The following BRD3 variants were observed in gnomAD, a reference collection of about 807,000 sequenced individuals.
BRD3 encodes the protein bromodomain-containing protein 3.
Under a neutral mutation model 66.8 loss-of-function variants are expected in BRD3, and 17 were observed. The observed-to-expected ratio is 0.25, with a 90% CI of 0.17 to 0.38. BRD3 has a LOEUF of 0.38. Among genes scored for constraint, BRD3 ranks in the 10% least tolerant of loss-of-function variants. BRD3 has a pLI of 1.00. For synonymous variants in BRD3, 421 were observed against 393.2 expected, an observed-to-expected ratio of 1.07 and a Z score of -0.84; for missense variants, 713 against 956.1, an observed-to-expected ratio of 0.75 and a Z score of 3.35.
chr9:134,050,449 G>C lies in BRD3; in HGVS notation c.639C>G (p.Val213=). The change falls in exon 5 of 12, where the codon GTC becomes GTG. Residue 213 remains valine (V), a synonymous_variant. Coordinates refer to ENST00000303407, the MANE Select transcript of BRD3 (RefSeq NM_007371.4). The stretch of plus-strand genomic sequence containing the variant: ...GAGGAGGTGGGGCGGCAGCTGGGGG[G>C]ACTGGGACCGACGTGACGTTTGCAG... The part of the protein sequence containing the change: ...TITANVTSVP[V]PPAAAPPPPA... 2 of 1,612,348 alleles carry C rather than the reference G, an allele frequency of 1.2e-6. No individual in the cohort carries two copies. The highest frequency in any genetic ancestry group is 1.7e-6 in the Non-Finnish European group (2 of 1,179,634).
In BRD3 at chr9:134,061,602, T is replaced by C. The variant is rs527295654; in HGVS notation, c.-114+6343A>G. Among the ~76,000 whole-genome samples the C allele has an allele frequency of 2.6e-5, 4 of 152,312 alleles. No homozygotes were observed. In the South Asian group the frequency reaches 6.2e-4, roughly 24 times the overall value. ...GAATTTCCATAGCTCTGGGCCTCTGTACCTGTGTCCCTGACTGGATGGCCC... is the reference window on the plus strand; with the variant it reads ...GAATTTCCATAGCTCTGGGCCTCTGCACCTGTGTCCCTGACTGGATGGCCC... On this transcript the variant is annotated intron_variant, in intron 1 of 11. Coordinates refer to ENST00000303407, the MANE Select transcript of BRD3 (RefSeq NM_007371.4).
At position 134,033,054 on chromosome 9, in the gene BRD3, C is replaced by T; in HGVS notation, c.*536G>A. The T allele has an allele frequency of 2.5e-6, 1 of 398,520 alleles. No individual in the cohort carries two copies. The highest frequency in any genetic ancestry group is 4.4e-6 in the Non-Finnish European group (1 of 226,266). 24.7% of individuals were successfully genotyped at this position (398,520 alleles called of 1,614,324 possible). A position where few individuals can be genotyped will look rare whatever the true frequency, so the allele number is the denominator to read the frequency against. On this transcript the variant is annotated 3_prime_UTR_variant, in exon 12 of 12. Transcript: ENST00000303407. The surrounding 1 kb of genome is among the most constrained non-coding windows in gnomAD (Gnocchi z 5.1). ...GGGCTGCGATGACCCTTCGCTTAGGCCCAGCCTGGTCTCCACAAGCAGGCA... is the reference window on the plus strand; with the variant it reads ...GGGCTGCGATGACCCTTCGCTTAGGTCCAGCCTGGTCTCCACAAGCAGGCA...
intron 1 of BRD3, among the ~76,000 whole-genome samples, chr9:134,060,805 G>C (rs1373103325): frequency 1.3e-5 from 2 of 152,224 alleles, no homozygotes; most frequent in African/African-American, 4.8e-5. Context: ...CACCCTTGCT[G>C]TGTGGCCCCA....
At position 134,052,391 on chromosome 9, in the gene BRD3, C is replaced by T. The variant is rs758093548; in HGVS notation, c.266G>A (p.Arg89Lys). The T allele has an allele frequency of 1.9e-6, 3 of 1,612,774 alleles. No individual in the cohort carries two copies. Among genetic ancestry groups the T allele is most frequent in the East Asian group, 2.2e-5 (1 of 44,884 alleles). ...NPMDMGTIKKRLENNYYWSAS... is the reference protein window; with the variant it reads ...NPMDMGTIKKKLENNYYWSAS... ...ACTCCAATAATAATTATTTTCTAGT[C>T]TCTTCTTAATAGTCCCCATATCCAT... Residue 89 changes from arginine to lysine, a missense_variant, in exon 3 of 12, where the codon AGA becomes AAA. Coordinates refer to ENST00000303407, the MANE Select transcript of BRD3 (RefSeq NM_007371.4).
chr9:134,035,301 C>A (rs1294331631), intron 10 of BRD3, among the ~76,000 whole-genome samples: 1 of 152,186 alleles, frequency 6.6e-6, no homozygotes, highest in African/African-American at 2.4e-5. Context: ...GTCAGACGCA[C>A]CATGACCACA....
Position 134,040,051 on chromosome 9 carries a change from G to A in BRD3, c.1626C>T (p.Ser542=), listed in dbSNP as rs2132392634. 5 of 1,592,990 alleles carry A rather than the reference G, an allele frequency of 3.1e-6. No homozygotes were observed. The highest frequency in any genetic ancestry group is 4.3e-6 in the Non-Finnish European group (5 of 1,171,726). ...GAGCCCACCTGCCGGCCGTGGTCGT[G>A]CTGTTGGCCTTCTTGGCAGGAGCCT... The part of the protein sequence containing the change: ...QKKAPAKKAN[S]TTTAGRQLKK... The change falls in exon 9 of 12, where the codon AGC becomes AGT. Residue 542 remains serine (S), a synonymous_variant. Transcript: ENST00000303407.
Position 134,032,989 on chromosome 9 carries a change from C to G in BRD3, c.*601G>C. 1 of 396,854 alleles carries G rather than the reference C, an allele frequency of 2.5e-6. No individual in the cohort carries two copies. Among genetic ancestry groups the G allele is most frequent in the Non-Finnish European group, 4.4e-6 (1 of 225,354 alleles). The allele number at this position is 396,854 out of a possible 1,614,324, so 24.6% of individuals were successfully genotyped here. ...ATCACCACGAGCGGAGAACGCACAT[C>G]CCACCCGACCACCCCCCAAGGGCTC... On this transcript the variant is annotated 3_prime_UTR_variant, in exon 12 of 12. Transcript: ENST00000303407.
At position 134,040,149 on chromosome 9, in the gene BRD3, TCTC is replaced by T. The variant is rs779563535; in HGVS notation, c.1525_1527del (p.Glu509del). On this transcript the variant is annotated inframe_deletion, in exon 9 of 12. Transcript: ENST00000303407. ...TCTTCCTCGGCCTTCACTTTGTGCT[TCTC>T]CTTCTCCTTCTCCTTGTCCTTCTTC... 300 of 1,558,724 alleles carry T rather than the reference TCTC, an allele frequency of 1.9e-4. No homozygotes were observed. The highest frequency in any genetic ancestry group is 2.5e-4 in the Non-Finnish European group (287 of 1,151,580).
chr9:134,037,856 C>A (rs1017875317), intron 9 of BRD3, among the ~76,000 whole-genome samples: 10 of 152,046 alleles, frequency 6.6e-5, no homozygotes, highest in African/African-American at 2.4e-4. Context: ...GCCCTACAGA[C>A]AATAAAAGGC....
chr9:134,040,816 G>A (rs952103801), intron 8 of BRD3, among the ~76,000 whole-genome samples: 4 of 152,214 alleles, frequency 2.6e-5, no homozygotes, highest in East Asian at 1.9e-4. Context: ...GGACTCCGGG[G>A]TTAAAACAAT....
Position 134,051,595 on chromosome 9 carries a change from C to G in BRD3, c.466G>C (p.Gly156Arg). 6.4e-7 allele frequency: 1 copy of G among 1,572,660 alleles called. No individual in the cohort carries two copies. Among genetic ancestry groups the G allele is most frequent in the Non-Finnish European group, 8.6e-7 (1 of 1,166,910 alleles). Residue 156 changes from glycine to arginine, a missense_variant, in exon 4 of 12, where the codon GGT becomes CGT. By Grantham distance (125) the Gly-to-Arg change is moderately radical. Around this residue, in one of 5 missense-constraint regions of BRD3, gnomAD observed 120 missense variants for 122.8 expected, o/e 0.98. Transcript: ENST00000303407. ...TGGGCTCCCGCAGCCGGCTTCCGACCTTTGCCCTTTGGAGCAGGGGGTAAT... is the reference window on the plus strand; with the variant it reads ...TGGGCTCCCGCAGCCGGCTTCCGACGTTTGCCCTTTGGAGCAGGGGGTAAT... ...ELLPPAPKGK[G>R]RKPAAGAQSA...
intron 10 of BRD3, among the ~76,000 whole-genome samples, chr9:134,035,733 C>A (rs1427957481): frequency 3.3e-5 from 5 of 152,262 alleles, no homozygotes; most frequent in African/African-American, 4.8e-5. Flanking sequence ...AGCCCAGCCC[C>A]AGAGTCGCGC....
rs201808057 is a variant in BRD3 at position 134,033,358 on chromosome 9, T to C, written c.*232A>G. Reference sequence around the variant, plus strand: ...AAGTTGTCATCTCCAAGTGACTGAATTCAGTGATGAAGAAGAGACTTTCTG... The same window carrying C: ...AAGTTGTCATCTCCAAGTGACTGAACTCAGTGATGAAGAAGAGACTTTCTG... On this transcript the variant is annotated 3_prime_UTR_variant, in exon 12 of 12. Transcript: ENST00000303407. This position sits in a 1 kb window ranked among gnomAD's most constrained non-coding sequence, Gnocchi z 5.1. 3.8e-5 allele frequency: 17 copies of C among 450,648 alleles called. No homozygotes were observed. Among genetic ancestry groups the C allele is most frequent in the Admixed American group, 8.1e-5 (2 of 24,616 alleles). 27.9% of individuals were successfully genotyped at this position (450,648 alleles called of 1,614,324 possible).
chr9:134,068,180 G>GCGCCCCCGCCCGCCCCGCCCCGC (rs1564564401), upstream of BRD3: 1 of 144,194 alleles, frequency 6.9e-6, no homozygotes, highest in African/African-American at 2.5e-5. Context: ...CCCCGCCCCG[G>GCGCCCCCGCCCGCCCCGCCCCGC]GGGCCCCCGC....
chr9:134,061,699 CA>C (rs1226863104), intron 1 of BRD3, among the ~76,000 whole-genome samples: 3 of 152,198 alleles, frequency 2.0e-5, no homozygotes, highest in Admixed American at 6.5e-5. Context: ...CCCCATCTTC[CA>C]TAAGTGGAGG....
At position 134,032,374 on chromosome 9, in the gene BRD3, A is replaced by G. The variant is rs1230127567; in HGVS notation, c.*1216T>C. 1 of 225,224 alleles carries G rather than the reference A, an allele frequency of 4.4e-6. No individual in the cohort carries two copies. The highest frequency in any genetic ancestry group is 8.8e-6 in the Non-Finnish European group (1 of 113,444). The allele number at this position is 225,224 out of a possible 1,614,324, so 14.0% of individuals were successfully genotyped here. ...GAAGTGAATACAAAAGAACTAAACA[A>G]AATAAAAAATTAGAATGTGCTGTAG... is the stretch of plus-strand genomic sequence containing the variant. On this transcript the variant is annotated 3_prime_UTR_variant, in exon 12 of 12. Transcript: ENST00000303407.
chr9:134,043,506 AC>A (rs1830105729), intron 7 of BRD3, among the ~76,000 whole-genome samples: 1 of 152,078 alleles, frequency 6.6e-6, no homozygotes, highest in Non-Finnish European at 1.5e-5. Flanking sequence ...GGAGAAGCCC[AC>A]CCCAGGCTCT....
chr9:134,053,871 G>C (rs945362362), intron 1 of BRD3: 6 of 231,308 alleles, frequency 2.6e-5, no homozygotes, highest in African/African-American at 1.1e-4. Context: ...GCTCCCAGGT[G>C]GGGGCTTGGG....
At chr9:134,052,224 G>A in intron 3 of BRD3, 82 bp downstream of exon 3, 1 of 1,542,476 alleles carries the variant, frequency 6.5e-7, no homozygotes, top group Non-Finnish European at 8.7e-7. Context: ...CCCAAGAGCT[G>A]CTGCAAAGCG....
Sources: allele counts gnomAD v4.1 joint callset (sites outside exome capture counted in the v4.1 genomes callset), GRCh38; gene constraint gnomAD v4.1.1; regional missense constraint gnomAD v4.1.1; non-coding constraint Gnocchi (gnomAD v3.1); transcripts MANE v1.5; gene names NCBI Gene and HGNC (gene_info 2026-07-23, HGNC 2026-07-21).